The following CSMD1 variants were observed in gnomAD, a reference collection of about 807,000 sequenced individuals.
CSMD1 encodes CUB and sushi domain-containing protein 1.
A neutral mutation model predicts 417.5 loss-of-function variants in CSMD1; 213 were observed. The ratio of observed to expected loss-of-function variants is 0.51; its 90% CI spans 0.46 to 0.57. The LOEUF is 0.57. Ranked by LOEUF, CSMD1 falls within the 20% of genes least tolerant of loss-of-function variation. The probability of loss-of-function intolerance (pLI) is 0.00; values close to 1 mark genes in which losing one functional copy is unlikely to be tolerated. For synonymous variants in CSMD1, 2,862 were observed against 1,736.8 expected, an observed-to-expected ratio of 1.65 and a Z score of -16.11; for missense variants, 6,923 against 4,529.7, an observed-to-expected ratio of 1.53 and a Z score of -15.17.
intron 2 of CSMD1, among the ~76,000 whole-genome samples, chr8:4,526,000 G>A (rs548013137): frequency 8.5e-5 from 13 of 152,194 alleles, no homozygotes; most frequent in African/African-American, 3.1e-4. Flanking sequence ...AAAACAGTGG[G>A]GAGCTCTGTT....
intron 1 of CSMD1, among the ~76,000 whole-genome samples, chr8:4,785,047 G>A (rs1362639011): frequency 6.6e-6 from 1 of 152,196 alleles, no homozygotes; most frequent in Non-Finnish European, 1.5e-5. Context: ...ATTATTAGAA[G>A]TGGATATTTA....
At chr8:4,092,899 C>G (rs1044509354) in intron 3 of CSMD1, among the ~76,000 whole-genome samples, 21 of 152,050 alleles carry the variant, frequency 1.4e-4, no homozygotes, top group Admixed American at 3.9e-4. Flanking sequence ...CTTGCCAAAA[C>G]ACAAGTTTTT....
intron 18 of CSMD1, among the ~76,000 whole-genome samples, chr8:3,380,047 CA>C (rs1448754965): frequency 1.3e-5 from 2 of 151,724 alleles, no homozygotes; most frequent in East Asian, 3.9e-4. Flanking sequence ...AAATTTACAA[CA>C]AAAAACAACC....
At chr8:4,401,238 A>G (rs1190624469) in intron 3 of CSMD1, among the ~76,000 whole-genome samples, 1 of 152,136 alleles carries the variant, frequency 6.6e-6, no homozygotes, top group African/African-American at 2.4e-5. Context: ...TCAGCATTGT[A>G]TGCTTATTTA....
chr8:4,403,225 G>C (rs1259856820), intron 3 of CSMD1, among the ~76,000 whole-genome samples: 1 of 152,040 alleles, frequency 6.6e-6, no homozygotes, highest in Non-Finnish European at 1.5e-5. Flanking sequence ...TTCCTTATGA[G>C]AATATAAAGA....
At chr8:4,212,197 A>G (rs1416202129) in intron 3 of CSMD1, among the ~76,000 whole-genome samples, 1 of 146,690 alleles carries the variant, frequency 6.8e-6, no homozygotes, top group Non-Finnish European at 1.5e-5. Context: ...TATATATATT[A>G]TTTTCTCTCC....
At chr8:4,238,652 T>C (rs1802209062) in intron 3 of CSMD1, among the ~76,000 whole-genome samples, 1 of 152,204 alleles carries the variant, frequency 6.6e-6, no homozygotes, top group Admixed American at 6.5e-5. Context: ...CATTCCTGTG[T>C]CTTGAAGCCA....
At position 3,449,968 on chromosome 8, in the gene CSMD1, G is replaced by A. The variant is rs898345515; in HGVS notation, c.1561+18744C>T. ...CTCACACAGCTTGCCATAATCAAGC[G>A]TTTTAAAGTGGAAAAGCCAGACGGG... On this transcript the variant is annotated intron_variant, in intron 12 of 69. Coordinates refer to ENST00000635120, the MANE Select transcript of CSMD1 (RefSeq NM_033225.6). Among the ~76,000 whole-genome samples the A allele has an allele frequency of 1.3e-4, 20 of 152,286 alleles. 1 individual carries two copies. The highest frequency in any genetic ancestry group is 4.1e-4 in the African/African-American group (17 of 41,568).
At position 4,259,755 on chromosome 8, in the gene CSMD1, C is replaced by T. The variant is rs559360543; in HGVS notation, c.415+160198G>A. On this transcript the variant is annotated intron_variant, in intron 3 of 69. Transcript: ENST00000635120. ...TACACATACACATGTATTTCATAAA[C>T]CCTAAGAAGAAGAGATTAAAAATTT... is the stretch of plus-strand genomic sequence containing the variant. Among the ~76,000 whole-genome samples, 13 of 151,956 alleles carry T rather than the reference C, an allele frequency of 8.6e-5. No homozygotes were observed. In the South Asian group the frequency reaches 1.0e-3, roughly 12 times the overall value.
chr8:3,273,350 A>G (rs1011559382), intron 26 of CSMD1, among the ~76,000 whole-genome samples: 2 of 151,954 alleles, frequency 1.3e-5, no homozygotes, highest in African/African-American at 4.8e-5. Flanking sequence ...TTTATTGAGG[A>G]TTTTTACATC....
intron 3 of CSMD1, among the ~76,000 whole-genome samples, chr8:4,250,354 C>T (rs758859172): frequency 5.9e-5 from 9 of 152,042 alleles, no homozygotes; most frequent in Non-Finnish European, 1.2e-4. Flanking sequence ...AATGTGTGTC[C>T]CCTAATGTGA....
Position 4,732,344 on chromosome 8 carries a change from C to CGTGTGTGTGTGTGT in CSMD1, c.86-94800_86-94787dup, listed in dbSNP as rs750818272. On this transcript the variant is annotated intron_variant, in intron 1 of 69. Coordinates refer to ENST00000635120, the MANE Select transcript of CSMD1 (RefSeq NM_033225.6). ...AGTTAATAGATTTAAATTTCTTCTGCGTGTGTGTGTGTGTGTGTGTGTGTG... is the reference window on the plus strand; with the variant it reads ...AGTTAATAGATTTAAATTTCTTCTGCGTGTGTGTGTGTGTGTGTGTGTGTGTGTGTGTGTGTGTG... Among the ~76,000 whole-genome samples the CGTGTGTGTGTGTGT allele has an allele frequency of 2.7e-3, 385 of 141,134 alleles. 5 individuals carry two copies. Among genetic ancestry groups the CGTGTGTGTGTGTGT allele is most frequent in the Admixed American group, 4.3e-3 (60 of 14,092 alleles). 92.6% of individuals were successfully genotyped at this position (141,134 alleles called of 152,430 possible).
intron 20 of CSMD1, among the ~76,000 whole-genome samples, chr8:3,361,830 T>C (rs1809202992): frequency 1.3e-5 from 2 of 152,120 alleles, no homozygotes; most frequent in Admixed American, 6.6e-5. Context: ...TGAAAGCAAC[T>C]TAGAAGGACA....
chr8:3,292,551 T>C (rs1449992911), intron 25 of CSMD1, among the ~76,000 whole-genome samples: 1 of 152,240 alleles, frequency 6.6e-6, no homozygotes, highest in Non-Finnish European at 1.5e-5. Context: ...CTAGCTTTTC[T>C]TGTTGAATTG....
chr8:3,256,025 T>C (rs1237276231), intron 26 of CSMD1, among the ~76,000 whole-genome samples: 5 of 152,026 alleles, frequency 3.3e-5, no homozygotes, highest in Admixed American at 3.3e-4. Context: ...AAGTACACAT[T>C]TTTATAGAAG....
intron 1 of CSMD1, among the ~76,000 whole-genome samples, chr8:4,690,186 T>A (rs1045450357): frequency 2.0e-5 from 3 of 152,330 alleles, no homozygotes; most frequent in South Asian, 2.1e-4. Flanking sequence ...TATTTACATG[T>A]CAGTGCAGTT....
chr8:3,551,573 A>C (rs1279461841), intron 10 of CSMD1, among the ~76,000 whole-genome samples: 1 of 136,090 alleles, frequency 7.3e-6, no homozygotes, highest in African/African-American at 2.7e-5. Context: ...TCTTCTAATA[A>C]ATATGTATAT....
At chr8:4,296,696 G>GTTTTTTTTTT (rs371696159) in intron 3 of CSMD1, among the ~76,000 whole-genome samples, 30 of 114,862 alleles carry the variant, frequency 2.6e-4, no homozygotes, top group Non-Finnish European at 3.5e-4. Flanking sequence ...GAAAATAAGG[G>GTTTTTTTTTT]TTTTTTTTTT....
intron 3 of CSMD1, among the ~76,000 whole-genome samples, chr8:4,192,396 T>G (rs1799081845): frequency 6.6e-6 from 1 of 152,138 alleles, no homozygotes; most frequent in Non-Finnish European, 1.5e-5. Flanking sequence ...TTTGGCTAAG[T>G]TGTGCCTGGA....
Sources: allele counts gnomAD v4.1 joint callset (sites outside exome capture counted in the v4.1 genomes callset), GRCh38; gene constraint gnomAD v4.1.1; transcripts MANE v1.5; gene names NCBI Gene and HGNC (gene_info 2026-07-23, HGNC 2026-07-21).